ST3GAL5: variants seen among roughly 807,000 people sequenced by gnomAD.
The protein encoded by ST3GAL5 is ST3 beta-galactoside alpha-2,3-sialyltransferase 5, also known as lactosylceramide alpha-2,3-sialyltransferase.
ST3GAL5 carries 25 observed loss-of-function variants against 46.1 expected under a neutral mutation model. The ratio of observed to expected loss-of-function variants is 0.54; its 90% CI spans 0.40 to 0.76. The LOEUF (loss-of-function observed/expected upper bound fraction) is 0.76, where lower values mean the gene tolerates loss of function less well. Among genes scored for constraint, ST3GAL5 ranks in the 30% least tolerant of loss-of-function variants. The pLI, the probability that ST3GAL5 is intolerant of heterozygous loss-of-function variation, is 0.00. For synonymous variants in ST3GAL5, 182 were observed against 192.7 expected, an observed-to-expected ratio of 0.94 and a Z score of 0.46; for missense variants, 431 against 521.2, an observed-to-expected ratio of 0.83 and a Z score of 1.69.
chr2:85,861,232 A>T lies in ST3GAL5; in HGVS notation c.267T>A (p.Thr89=). The T allele has an allele frequency of 6.2e-7, 1 of 1,613,732 alleles. No homozygotes were observed. Among genetic ancestry groups the T allele is most frequent in the Middle Eastern group, 1.7e-4 (1 of 5,998 alleles). Residue 89 remains threonine (T), a synonymous_variant, in exon 3 of 7, where the codon ACT becomes ACA. Coordinates refer to ENST00000638572, the MANE Select transcript of ST3GAL5 (RefSeq NM_003896.4). ...ILYILKLNYT[T]EECDMKKMHY... is the part of the protein sequence containing the mutation. ...GCATTTTTTTCATGTCACATTCTTC[A>T]GTAGTATAATTTAACTTGAGGATAT...
At position 85,847,901 on chromosome 2, in the gene ST3GAL5, C is replaced by G; in HGVS notation, c.622G>C (p.Glu208Gln). The G allele has an allele frequency of 6.2e-7, 1 of 1,614,132 alleles. No homozygotes were observed. Among genetic ancestry groups the G allele is most frequent in the Non-Finnish European group, 8.5e-7 (1 of 1,180,044 alleles). Reference sequence around the variant, plus strand: ...AACTGGTTCAGGGTGTGGCCCAGTTCTAATCCGTGCAGTATTCCTCCGCTT... The same window carrying G: ...AACTGGTTCAGGGTGTGGCCCAGTTGTAATCCGTGCAGTATTCCTCCGCTT... Reference protein sequence around the residue: ...IGSGGILHGLELGHTLNQFDV... With the variant: ...IGSGGILHGLQLGHTLNQFDV... The change falls in exon 4 of 7, where the codon GAA becomes CAA. Residue 208 changes from glutamate (E) to glutamine (Q), a missense_variant. Glu to Gln is a conservative substitution (Grantham distance 29). Coordinates refer to ENST00000638572, the MANE Select transcript of ST3GAL5 (RefSeq NM_003896.4).
At chr2:85,844,861 C>T in intron 5 of ST3GAL5, 1 of 431,328 alleles carries the variant, frequency 2.3e-6, no homozygotes, top group East Asian at 5.0e-5. Context: ...TAGGGAAGCC[C>T]AAGTGAATAG....
intron 3 of ST3GAL5, chr2:85,855,725 C>T (rs1399520287): frequency 2.0e-5 from 3 of 152,118 alleles, no homozygotes; most frequent in Non-Finnish European, 4.4e-5. Flanking sequence ...ATCCAGAACA[C>T]AGAAAGAACT....
chr2:85,872,903 G>C (rs1430089452), intron 1 of ST3GAL5, among the ~76,000 whole-genome samples: 3 of 152,222 alleles, frequency 2.0e-5, no homozygotes, highest in African/African-American at 4.8e-5. Flanking sequence ...CAGCCAAGAA[G>C]ACAGTGTTGG....
intron 3 of ST3GAL5, chr2:85,848,532 C>T (rs1056686085): frequency 3.2e-6 from 2 of 630,640 alleles, no homozygotes; most frequent in Middle Eastern, 3.0e-4. Context: ...TCTAAGACTT[C>T]ATGTTTCATA....
chr2:85,864,584 A>AAAAAAGCAGAAGTGTTACATC (rs572232781), intron 1 of ST3GAL5, among the ~76,000 whole-genome samples: 1 of 26,604 alleles, frequency 3.8e-5, no homozygotes, highest in East Asian at 0.014. Context: ...GTGTTACATC[A>AAAAAAGCAGAAGTGTTACATC]AAAAAAAAAA....
At position 85,839,858 on chromosome 2, in the gene ST3GAL5, T is replaced by C; in HGVS notation, c.*286A>G. Reference sequence around the variant, plus strand: ...AGAAGTTTTACAAATTAAATTACTTTCTTAAAAATCAATACAACATCGTTA... The same window carrying C: ...AGAAGTTTTACAAATTAAATTACTTCCTTAAAAATCAATACAACATCGTTA... On this transcript the variant is annotated 3_prime_UTR_variant, in exon 7 of 7. Transcript: ENST00000638572. The C allele has an allele frequency of 2.2e-6, 1 of 444,598 alleles. No individual in the cohort carries two copies. The highest frequency in any genetic ancestry group is 2.2e-5 in the South Asian group (1 of 45,894). 27.5% of individuals were successfully genotyped at this position (444,598 alleles called of 1,614,324 possible).
intron 3 of ST3GAL5, 86 bp from the exon 4 acceptor site, chr2:85,848,290 G>A (rs1181899208): frequency 2.5e-6 from 4 of 1,611,846 alleles, no homozygotes; most frequent in African/African-American, 2.7e-5. Flanking sequence ...GTCCTATGAT[G>A]TCTGATGTAG....
intron 2 of ST3GAL5, 124 bp downstream of exon 2, chr2:85,863,238 C>T (rs1312983848): frequency 5.1e-6 from 8 of 1,566,368 alleles, no homozygotes; most frequent in Middle Eastern, 2.3e-4. Context: ...ATGTCTGAGG[C>T]ATCCTTTGAC....
rs562739089 is a variant in ST3GAL5, at chr2:85,881,779, C to A, written c.82+7045G>T. 4.8e-4 allele frequency among the ~76,000 whole-genome samples: 15 copies of A among 31,442 alleles called. No homozygotes were observed. In the Admixed American group the frequency reaches 5.7e-3, roughly 12 times the overall value. The allele number at this position is 31,442 out of a possible 152,430, so 20.6% of individuals were successfully genotyped here. On this transcript the variant is annotated intron_variant, in intron 1 of 6. Transcript: ENST00000638572. Reference sequence around the variant, plus strand: ...AAAGTTGAGAAAATTTGCAGCCTGACTATGTGACAGAAAAGGAAACCCCAT... The same window carrying A: ...AAAGTTGAGAAAATTTGCAGCCTGAATATGTGACAGAAAAGGAAACCCCAT...
rs765356924 is a variant in ST3GAL5 at position 85,847,854 on chromosome 2, A to G, written c.662+7T>C. ...AGTAAACAAACAAACAAAAAAAACC[A>G]ATGTACCTTATCACAACATCGAACT... On this transcript the variant is annotated splice_region_variant and intron_variant, in intron 4 of 6. Transcript: ENST00000638572. 6.2e-7 allele frequency: 1 copy of G among 1,613,646 alleles called. No individual in the cohort carries two copies. Among genetic ancestry groups the G allele is most frequent in the Admixed American group, 1.7e-5 (1 of 59,998 alleles).
At chr2:85,874,622 T>C (rs990168630) in intron 1 of ST3GAL5, among the ~76,000 whole-genome samples, 1 of 152,072 alleles carries the variant, frequency 6.6e-6, no homozygotes, top group African/African-American at 2.4e-5. Flanking sequence ...TTGCCACTGA[T>C]ACATATTTGC....
In ST3GAL5 at chr2:85,856,943, G is replaced by A. The variant is rs558610241; in HGVS notation, c.318+4238C>T. ...CTCAATAAAAATGTTTTAAGGGCAGGGCATGGTGGCTCATGTCTATAATCC... is the reference window on the plus strand; with the variant it reads ...CTCAATAAAAATGTTTTAAGGGCAGAGCATGGTGGCTCATGTCTATAATCC... On this transcript the variant is annotated intron_variant, in intron 3 of 6. Coordinates refer to ENST00000638572, the MANE Select transcript of ST3GAL5 (RefSeq NM_003896.4). 7.3e-5 allele frequency among the ~76,000 whole-genome samples: 11 copies of A among 151,012 alleles called. No homozygotes were observed. In the South Asian group the frequency reaches 2.1e-3, roughly 29 times the overall value.
intron 6 of ST3GAL5, chr2:85,840,606 C>T: frequency 1.7e-6 from 1 of 605,394 alleles, no homozygotes; most frequent in South Asian, 1.9e-5. Context: ...GATGTTCACA[C>T]ACTTTCAAGG....
At chr2:85,853,389 C>G (rs925012040) in intron 3 of ST3GAL5, 20 of 325,074 alleles carry the variant, frequency 6.2e-5, no homozygotes, top group Non-Finnish European at 1.2e-4. Context: ...AGACAATGCT[C>G]AAGTCTAGCA....
chr2:85,862,004 G>A (rs1684782713), intron 2 of ST3GAL5, among the ~76,000 whole-genome samples: 1 of 151,184 alleles, frequency 6.6e-6, no homozygotes. Flanking sequence ...GAAATAAAGA[G>A]AAAGTAATCC....
intron 1 of ST3GAL5, among the ~76,000 whole-genome samples, chr2:85,881,478 A>C (rs1687144354): frequency 6.6e-6 from 1 of 152,242 alleles, no homozygotes; most frequent in Non-Finnish European, 1.5e-5. Context: ...GACTTTGCCC[A>C]AAATGCTGAT....
chr2:85,887,794 A>C (rs962184524), intron 1 of ST3GAL5: 1 of 152,268 alleles, frequency 6.6e-6, no homozygotes, highest in Admixed American at 6.5e-5. Flanking sequence ...AGCCCGGGGG[A>C]GGGCAGCTAA....
chr2:85,859,217 C>T (rs975246353), intron 3 of ST3GAL5, among the ~76,000 whole-genome samples: 2 of 152,142 alleles, frequency 1.3e-5, no homozygotes, highest in African/African-American at 4.8e-5. Context: ...AATCACTTTA[C>T]AGTTGGTCAG....
Sources: gnomAD v4.1 joint callset for allele counts (sites outside exome capture counted in the v4.1 genomes callset) on GRCh38, gnomAD v4.1.1 for gene constraint, MANE v1.5 for transcripts, NCBI Gene and HGNC (gene_info 2026-07-23, HGNC 2026-07-21) for gene names.